PHACTR3: variants seen among roughly 807,000 people sequenced by gnomAD.
PHACTR3 encodes the protein phosphatase and actin regulator 3.
A neutral mutation model predicts 66.8 loss-of-function variants in PHACTR3; 16 were observed. The ratio of observed to expected loss-of-function variants is 0.24; its 90% CI spans 0.16 to 0.36. The LOEUF is 0.36. Ranked by LOEUF, PHACTR3 falls within the 10% of genes least tolerant of loss-of-function variation. PHACTR3 has a pLI of 1.00. For missense variants in PHACTR3, 647 were observed against 719.9 expected (o/e 0.90, Z 1.16); for synonymous variants, 323 against 292.1 (o/e 1.11, Z -1.08).
At chr20:59,839,003 G>C (rs2145503939) in intron 9 of PHACTR3, among the ~76,000 whole-genome samples, 1 of 151,800 alleles carries the variant, frequency 6.6e-6, no homozygotes, top group East Asian at 1.9e-4. Context: ...GACCCTGCTG[G>C]TGACCTTCGT....
chr20:59,836,409 A>G, intron 8 of PHACTR3, 96 bp from the exon 9 acceptor site: 1 of 1,177,526 alleles, frequency 8.5e-7, no homozygotes. Flanking sequence ...GGCGATCTAT[A>G]GGGGTTTGCC....
chr20:59,806,620 G>T (rs1399354334), intron 8 of PHACTR3, among the ~76,000 whole-genome samples: 3 of 152,212 alleles, frequency 2.0e-5, no homozygotes, highest in Admixed American at 2.0e-4. Context: ...TGGATCCAGT[G>T]TTGCCAGATC....
At position 59,767,202 on chromosome 20, in the gene PHACTR3, A is replaced by G; in HGVS notation, c.558A>G (p.Ala186=). The G allele has an allele frequency of 6.2e-7, 1 of 1,614,244 alleles. No homozygotes were observed. The highest frequency in any genetic ancestry group is 8.5e-7 in the Non-Finnish European group (1 of 1,180,040). The change falls in exon 5 of 13, where the codon GCA becomes GCG. Residue 186 remains alanine, a synonymous_variant. Coordinates refer to ENST00000371015, the MANE Select transcript of PHACTR3 (RefSeq NM_080672.5). The stretch of plus-strand genomic sequence containing the variant: ...TTGAACCAGCCAAGATGCCTTCTGC[A>G]TCCAGTGGTGAAGAAGCAGACGCTG... The part of the protein sequence containing the change: ...HLDDAAKMPS[A]SSGEEADAGS...
chr20:59,648,317 A>T (rs2035352894), intron 1 of PHACTR3, among the ~76,000 whole-genome samples: 1 of 150,572 alleles, frequency 6.6e-6, no homozygotes, highest in Non-Finnish European at 1.5e-5. Context: ...TCTCTTTCCT[A>T]TTAGTGAAGA....
intron 8 of PHACTR3, among the ~76,000 whole-genome samples, chr20:59,833,310 GCA>G (rs894925285): frequency 7.9e-5 from 12 of 152,234 alleles, no homozygotes; most frequent in African/African-American, 2.7e-4. Context: ...GGGACCAATT[GCA>G]CAGTTTTTGC....
intron 1 of PHACTR3, chr20:59,628,550 G>C (rs1374722229): frequency 4.4e-6 from 4 of 915,308 alleles, no homozygotes; most frequent in African/African-American, 1.8e-5. Flanking sequence ...CTGGCTCCTG[G>C]CTCCCAGGGA....
At chr20:59,635,105 TTCTTTC>T in intron 1 of PHACTR3, among the ~76,000 whole-genome samples, 1 of 52,950 alleles carries the variant, frequency 1.9e-5, no homozygotes, top group South Asian at 9.5e-4. Flanking sequence ...TTCTCTCTCT[TTCTTTC>T]TTTCTTTCTT....
intron 5 of PHACTR3, among the ~76,000 whole-genome samples, chr20:59,769,463 G>A (rs544591604): frequency 6.6e-6 from 1 of 152,296 alleles, no homozygotes; most frequent in Admixed American, 6.5e-5. Context: ...GAGAGGCCTG[G>A]GACGGCATCT....
chr20:59,617,898 G>A (rs1459605303), intron 1 of PHACTR3, among the ~76,000 whole-genome samples: 9 of 152,190 alleles, frequency 5.9e-5, no homozygotes, highest in Admixed American at 1.3e-4. Flanking sequence ...GCAGCAAACC[G>A]ACCTGTTGCC....
chr20:59,839,005 G>GACC (rs929042219), intron 9 of PHACTR3, among the ~76,000 whole-genome samples: 14 of 151,346 alleles, frequency 9.3e-5, no homozygotes, highest in Non-Finnish European at 1.8e-4. Flanking sequence ...CCCTGCTGGT[G>GACC]ACCTTCGTAG....
intron 1 of PHACTR3, among the ~76,000 whole-genome samples, chr20:59,689,469 G>T (rs770337830): frequency 1.3e-5 from 2 of 152,234 alleles, no homozygotes; most frequent in Non-Finnish European, 2.9e-5. Context: ...GTTTCGTAGA[G>T]GTGCCGCAGG....
At chr20:59,616,517 G>A (rs1249849141) in intron 1 of PHACTR3, among the ~76,000 whole-genome samples, 2 of 152,336 alleles carry the variant, frequency 1.3e-5, no homozygotes, top group African/African-American at 2.4e-5. Context: ...GCATGCACCG[G>A]GAAGCTCCGC....
chr20:59,692,289 T>A (rs571828545), intron 1 of PHACTR3, among the ~76,000 whole-genome samples: 1 of 152,288 alleles, frequency 6.6e-6, no homozygotes, highest in African/African-American at 2.4e-5. Context: ...TGGTAATAAA[T>A]AGAATTGGGT....
intron 4 of PHACTR3, among the ~76,000 whole-genome samples, chr20:59,765,076 G>T (rs1053161520): frequency 2.0e-5 from 3 of 152,222 alleles, no homozygotes; most frequent in African/African-American, 7.2e-5. Context: ...GGGCATTTCT[G>T]TGCTTACCTG....
chr20:59,803,995 G>A (rs998927167), intron 7 of PHACTR3, among the ~76,000 whole-genome samples: 23 of 152,162 alleles, frequency 1.5e-4, no homozygotes, highest in African/African-American at 5.6e-4. Context: ...AGCCTGCTCT[G>A]GGAAGGCATG....
chr20:59,828,210 C>T (rs1455613594), intron 8 of PHACTR3, among the ~76,000 whole-genome samples: 1 of 147,990 alleles, frequency 6.8e-6, no homozygotes, highest in Non-Finnish European at 1.5e-5. Flanking sequence ...TGCAAAATGC[C>T]AGAAACCTCT....
intron 1 of PHACTR3, among the ~76,000 whole-genome samples, chr20:59,630,567 A>G (rs2034625422): frequency 6.6e-6 from 1 of 152,232 alleles, no homozygotes; most frequent in African/African-American, 2.4e-5. Context: ...AGAAAACATT[A>G]TATTCATTTT....
chr20:59,745,314 A>C (rs7262367), intron 2 of PHACTR3, among the ~76,000 whole-genome samples: 35,484 of 151,874 alleles, frequency 0.23, 7,667 homozygotes, highest in African/African-American at 0.58. Flanking sequence ...AGGCCTGCTG[A>C]CCCCAGCAGT....
chr20:59,807,495 G>T (rs896051389), intron 8 of PHACTR3, among the ~76,000 whole-genome samples: 4 of 152,148 alleles, frequency 2.6e-5, no homozygotes, highest in African/African-American at 7.2e-5. Flanking sequence ...CTGCTTTACA[G>T]TTAACTTTTT....
Sources: gnomAD v4.1 joint callset for allele counts (sites outside exome capture counted in the v4.1 genomes callset) on GRCh38, gnomAD v4.1.1 for gene constraint, MANE v1.5 for transcripts, NCBI Gene and HGNC (gene_info 2026-07-23, HGNC 2026-07-21) for gene names.